SLC4A10: variants seen among roughly 807,000 people sequenced by gnomAD.
SLC4A10 encodes solute carrier family 4 member 10.
SLC4A10 carries 42 observed loss-of-function variants against 137.7 expected under a neutral mutation model. That is an observed-to-expected ratio of 0.30 (90% confidence interval 0.24 to 0.39). SLC4A10 has a LOEUF of 0.39. SLC4A10 is among the 10% of genes least tolerant of loss of function. The pLI, the probability that SLC4A10 is intolerant of heterozygous loss-of-function variation, is 1.00. For missense variants in SLC4A10, 925 were observed against 1,355.0 expected, an observed-to-expected ratio of 0.68 and a Z score of 4.98; for synonymous variants, 474 against 464.1, an observed-to-expected ratio of 1.02 and a Z score of -0.27.
At chr2:161,685,596 A>G (rs1425701070) in intron 1 of SLC4A10, among the ~76,000 whole-genome samples, 1 of 147,488 alleles carries the variant, frequency 6.8e-6, no homozygotes, top group East Asian at 2.0e-4. Flanking sequence ...TGACAGAGGG[A>G]GAGTCTGTCT....
intron 1 of SLC4A10, among the ~76,000 whole-genome samples, chr2:161,719,970 A>AT (rs2045443565): frequency 6.6e-6 from 1 of 152,186 alleles, no homozygotes; most frequent in Non-Finnish European, 1.5e-5. Flanking sequence ...GTCCTTGCCC[A>AT]TGCATATGTC....
chr2:161,796,656 A>G (rs2054805276), intron 2 of SLC4A10, among the ~76,000 whole-genome samples: 1 of 152,216 alleles, frequency 6.6e-6, no homozygotes, highest in Admixed American at 6.5e-5. Context: ...CTACCACATT[A>G]TCTATGTATT....
At chr2:161,904,486 C>T (rs1011325465) in intron 13 of SLC4A10, among the ~76,000 whole-genome samples, 4 of 152,112 alleles carry the variant, frequency 2.6e-5, no homozygotes, top group Non-Finnish European at 5.9e-5. Flanking sequence ...GCTATGTACC[C>T]GGGCCATGTT....
intron 11 of SLC4A10, among the ~76,000 whole-genome samples, chr2:161,896,642 C>G (rs559925373): frequency 1.3e-5 from 2 of 152,110 alleles, no homozygotes; most frequent in East Asian, 3.9e-4. Context: ...AAAGAGGATA[C>G]AAACAAATGG....
chr2:161,818,323 T>C (rs2057304815), intron 3 of SLC4A10, among the ~76,000 whole-genome samples: 1 of 152,230 alleles, frequency 6.6e-6, no homozygotes, highest in South Asian at 2.1e-4. Context: ...TTTTTCCACA[T>C]TGATTTTTGT....
At chr2:161,961,954 C>G (rs4572609) in intron 21 of SLC4A10, among the ~76,000 whole-genome samples, 40,800 of 152,090 alleles carry the variant, frequency 0.27, 7,003 homozygotes, top group Admixed American at 0.39. Flanking sequence ...CAAGAGCAGG[C>G]AGCTGAAATT....
At chr2:161,735,207 T>C (rs1414835334) in intron 1 of SLC4A10, among the ~76,000 whole-genome samples, 1 of 149,820 alleles carries the variant, frequency 6.7e-6, no homozygotes, top group Non-Finnish European at 1.5e-5. Context: ...CCTTACTTTT[T>C]AGTGAAAACA....
intron 1 of SLC4A10, among the ~76,000 whole-genome samples, chr2:161,675,944 C>A (rs2040234394): frequency 6.6e-6 from 1 of 152,098 alleles, no homozygotes; most frequent in Non-Finnish European, 1.5e-5. Flanking sequence ...AAATCATGTA[C>A]TTTTTCCTTT....
At chr2:161,675,425 G>C (rs763587773) in intron 1 of SLC4A10, among the ~76,000 whole-genome samples, 29 of 151,914 alleles carry the variant, frequency 1.9e-4, no homozygotes, top group Non-Finnish European at 2.6e-4. Context: ...GTCTTGCCTT[G>C]GTAGCATTTT....
At chr2:161,791,360 G>A (rs10208893) in intron 2 of SLC4A10, among the ~76,000 whole-genome samples, 4,636 of 152,220 alleles carry the variant, frequency 0.03, 243 homozygotes, top group African/African-American at 0.1. Flanking sequence ...GCAAACTAAA[G>A]CAGTAACAGA....
intron 1 of SLC4A10, among the ~76,000 whole-genome samples, chr2:161,756,664 G>A (rs992350658): frequency 3.3e-5 from 5 of 152,014 alleles, no homozygotes; most frequent in African/African-American, 1.2e-4. Flanking sequence ...CTTCTTTCCT[G>A]TACTTTGGCC....
chr2:161,861,162 C>T (rs1199091537), intron 5 of SLC4A10, among the ~76,000 whole-genome samples: 2 of 152,156 alleles, frequency 1.3e-5, no homozygotes, highest in Non-Finnish European at 1.5e-5. Flanking sequence ...AGAGAATTAA[C>T]TCTAGAGTGA....
intron 1 of SLC4A10, among the ~76,000 whole-genome samples, chr2:161,625,628 A>G (rs1376379488): frequency 6.6e-6 from 1 of 152,026 alleles, no homozygotes; most frequent in African/African-American, 2.4e-5. Context: ...TAGGTTTTCA[A>G]CAAAATGCTT....
At chr2:161,661,838 A>G (rs116760967) in intron 1 of SLC4A10, among the ~76,000 whole-genome samples, 2 of 152,138 alleles carry the variant, frequency 1.3e-5, no homozygotes, top group African/African-American at 4.8e-5. Context: ...CAGCAAAAAA[A>G]ATATATATTT....
In SLC4A10 at chr2:161,964,267, A is replaced by G. The variant is rs767136316; in HGVS notation, c.2995A>G (p.Ile999Val). ...GATGAGTTGCCTTGGCCTTTTGTGG[A>G]TAATAAAAGTTTCAAGAGCTGCTAT... ...IQMSCLGLLWIIKVSRAAIVF... is the reference protein window; with the variant it reads ...IQMSCLGLLWVIKVSRAAIVF... Residue 999 changes from isoleucine (I) to valine (V), a missense_variant, in exon 22 of 27, where the codon ATA (isoleucine) becomes GTA (valine). This residue lies in a region of SLC4A10 where 115 missense variants were observed against 237.5 expected (regional missense o/e 0.48). Coordinates refer to ENST00000446997, the MANE Select transcript of SLC4A10 (RefSeq NM_001178015.2). 7 of 1,613,606 alleles carry G rather than the reference A, an allele frequency of 4.3e-6. No individual in the cohort carries two copies. In the Admixed American group the frequency reaches 8.3e-5, roughly 19 times the overall value.
intron 3 of SLC4A10, among the ~76,000 whole-genome samples, chr2:161,814,968 A>T (rs942525377): frequency 6.6e-6 from 1 of 152,132 alleles, no homozygotes; most frequent in African/African-American, 2.4e-5. Flanking sequence ...TAAAGAAAGA[A>T]ACCTGTACTG....
chr2:161,788,690 G>A (rs1252720390), intron 2 of SLC4A10, among the ~76,000 whole-genome samples: 2 of 152,178 alleles, frequency 1.3e-5, no homozygotes, highest in Non-Finnish European at 2.9e-5. Context: ...TGAGCTCAGG[G>A]CAGAGCCTCT....
intron 1 of SLC4A10, among the ~76,000 whole-genome samples, chr2:161,640,051 T>C (rs1363298009): frequency 1.3e-5 from 2 of 152,198 alleles, no homozygotes; most frequent in Non-Finnish European, 2.9e-5. Context: ...TCTCTTATTC[T>C]TTCTGCATTT....
chr2:161,737,596 A>T (rs1347454107), intron 1 of SLC4A10, among the ~76,000 whole-genome samples: 1 of 152,126 alleles, frequency 6.6e-6, no homozygotes, highest in Admixed American at 6.6e-5. Flanking sequence ...GCATTCCTTC[A>T]TGGGCCTAAT....
Sources: gnomAD v4.1 joint callset for allele counts (sites outside exome capture counted in the v4.1 genomes callset) on GRCh38, gnomAD v4.1.1 for gene constraint, gnomAD v4.1.1 regional missense constraint, MANE v1.5 for transcripts, NCBI Gene and HGNC (gene_info 2026-07-23, HGNC 2026-07-21) for gene names.